The following FSHR variants were observed in gnomAD, a reference collection of about 807,000 sequenced individuals.
FSHR encodes follicle stimulating hormone receptor, also known as follicle-stimulating hormone receptor.
A neutral mutation model predicts 52.1 loss-of-function variants in FSHR; 46 were observed. The ratio of observed to expected loss-of-function variants is 0.88; its 90% confidence interval spans 0.70 to 1.13. FSHR has a LOEUF of 1.13. FSHR is among the 50% of genes most tolerant of loss of function. The pLI is 0.00. For missense variants in FSHR, 964 were observed against 834.6 expected (o/e 1.16, Z -1.91); for synonymous variants, 399 against 309.6 (o/e 1.29, Z -3.03).
intron 4 of FSHR, among the ~76,000 whole-genome samples, chr2:48,999,690 T>C (rs1676171730): frequency 6.6e-6 from 1 of 152,132 alleles, no homozygotes; most frequent in Non-Finnish European, 1.5e-5. Context: ...AATGTTACAA[T>C]GGTCAAATAC....
chr2:49,121,047 T>C (rs1671801258), intron 1 of FSHR, among the ~76,000 whole-genome samples: 1 of 152,248 alleles, frequency 6.6e-6, no homozygotes, highest in Non-Finnish European at 1.5e-5. Context: ...ATTATTCACC[T>C]AACATGGTCA....
At chr2:49,017,624 C>T (rs1273331974) in intron 3 of FSHR, 61 bp from the exon 4 acceptor site, 1 of 1,227,734 alleles carries the variant, frequency 8.1e-7, no homozygotes, top group South Asian at 1.2e-5. Flanking sequence ...TAGTATTTTT[C>T]ACATTTTACA....
At chr2:49,021,886 T>TATATATATATATAGAGAGAGAGAGAGAG (rs1273265515) in intron 2 of FSHR, among the ~76,000 whole-genome samples, 1 of 25,120 alleles carries the variant, frequency 4.0e-5, no homozygotes, top group African/African-American at 1.5e-4. Context: ...TATATATATA[T>TATATATATATATAGAGAGAGAGAGAGAG]AGAGAGAGAG....
At chr2:48,977,040 G>T (rs531518251) in intron 8 of FSHR, among the ~76,000 whole-genome samples, 92 of 152,038 alleles carry the variant, frequency 6.1e-4, no homozygotes, top group African/African-American at 2.2e-3. Flanking sequence ...ACCATGGCAC[G>T]TGTACACCTA....
chr2:49,141,697 A>G (rs1195321711), intron 1 of FSHR, among the ~76,000 whole-genome samples: 1 of 152,152 alleles, frequency 6.6e-6, no homozygotes, highest in African/African-American at 2.4e-5. Flanking sequence ...AGCTTACTAT[A>G]TATGGGAGAC....
intron 1 of FSHR, among the ~76,000 whole-genome samples, chr2:49,139,140 C>T (rs1672586221): frequency 6.6e-6 from 1 of 152,188 alleles, no homozygotes. Flanking sequence ...GCTCATCTGG[C>T]AATGTTTTCT....
At chr2:49,054,741 G>A (rs1668994367) in intron 2 of FSHR, among the ~76,000 whole-genome samples, 1 of 152,128 alleles carries the variant, frequency 6.6e-6, no homozygotes, top group Non-Finnish European at 1.5e-5. Flanking sequence ...GACTCTCTCA[G>A]CTTAGGCTGC....
chr2:49,104,884 C>T (rs1469528058), intron 1 of FSHR, among the ~76,000 whole-genome samples: 1 of 152,008 alleles, frequency 6.6e-6, no homozygotes, highest in African/African-American at 2.4e-5. Flanking sequence ...GCACAGAACT[C>T]ACCTGTGACA....
intron 2 of FSHR, among the ~76,000 whole-genome samples, chr2:49,027,077 G>A (rs1209611691): frequency 1.3e-5 from 2 of 152,148 alleles, no homozygotes; most frequent in African/African-American, 4.8e-5. Flanking sequence ...GGCTCTGTCT[G>A]ACATCCCTAC....
At chr2:49,062,946 T>C (rs1424803767) in intron 2 of FSHR, among the ~76,000 whole-genome samples, 1 of 152,130 alleles carries the variant, frequency 6.6e-6, no homozygotes, top group Non-Finnish European at 1.5e-5. Flanking sequence ...CTGGCAAGGA[T>C]GTAGAGATAG....
At chr2:48,998,982 T>C (rs1676144161) in intron 4 of FSHR, among the ~76,000 whole-genome samples, 1 of 152,086 alleles carries the variant, frequency 6.6e-6, no homozygotes, top group Non-Finnish European at 1.5e-5. Context: ...GTGTATCTAC[T>C]TTATCAATAA....
chr2:49,152,685 C>A (rs1199575876), intron 1 of FSHR, among the ~76,000 whole-genome samples: 2 of 152,124 alleles, frequency 1.3e-5, no homozygotes, highest in East Asian at 3.9e-4. Flanking sequence ...GATGACACTG[C>A]TTGACCCACA....
At chr2:49,124,085 C>T (rs892044376) in intron 1 of FSHR, among the ~76,000 whole-genome samples, 4 of 151,940 alleles carry the variant, frequency 2.6e-5, no homozygotes, top group Middle Eastern at 3.4e-3. Context: ...CCTGCACCTC[C>T]CGGGTTTAGG....
At chr2:48,974,953 C>A (rs1036089324) in intron 8 of FSHR, among the ~76,000 whole-genome samples, 13 of 152,066 alleles carry the variant, frequency 8.5e-5, no homozygotes, top group African/African-American at 2.9e-4. Context: ...TATGAAAACA[C>A]TCTCCATTTT....
chr2:48,985,824 C>T lies in FSHR; in HGVS notation c.525-2658G>A, dbSNP rs555609058. ...CGCTTCCCGGGTTCACGCCATTCTC[C>T]TGCCTCAGCCTCCCGAGTAGCTGGG... On this transcript the variant is annotated intron_variant, in intron 6 of 9. Coordinates refer to ENST00000406846, the MANE Select transcript of FSHR (RefSeq NM_000145.4). Among the ~76,000 whole-genome samples the T allele has an allele frequency of 3.5e-5, 5 of 141,210 alleles. No individual in the cohort carries two copies. The Admixed American group carries it at 3.7e-4, about 10-fold the overall frequency. The allele number at this position is 141,210 out of a possible 152,430, so 92.6% of individuals were successfully genotyped here. A position where few individuals can be genotyped will look rare whatever the true frequency, so the allele number is the denominator to read the frequency against.
intron 1 of FSHR, among the ~76,000 whole-genome samples, chr2:49,137,601 A>C (rs897430428): frequency 6.6e-5 from 10 of 152,142 alleles, no homozygotes; most frequent in African/African-American, 2.4e-4. Context: ...AAGAAATAGT[A>C]ATGAAGAAAG....
rs76626781 is a variant in FSHR, at chr2:49,043,629, C to T, written c.225-23469G>A. Among the ~76,000 whole-genome samples, 678 of 152,292 alleles carry T rather than the reference C, an allele frequency of 4.5e-3. 4 individuals carry two copies. The highest frequency in any genetic ancestry group is 0.015 in the African/African-American group (613 of 41,568). ...ACATTGATGGACACATTCCTAGCAT[C>T]TTGCCTAGAGAATCACGGGTGGGGC... On this transcript the variant is annotated intron_variant, in intron 2 of 9. Coordinates refer to ENST00000406846, the MANE Select transcript of FSHR (RefSeq NM_000145.4).
rs1213765229 is a variant in FSHR at position 48,989,010 on chromosome 2, G to T, written c.491C>A (p.Ser164Tyr). 1 of 1,613,826 alleles carries T rather than the reference G, an allele frequency of 6.2e-7. No individual in the cohort carries two copies. The highest frequency in any genetic ancestry group is 8.5e-7 in the Non-Finnish European group (1 of 1,179,904). ...ACTTTCAAAGCTCAGCCCCACGAAA[G>T]AATTTCTTTCAATTGTGTGGATGTT... ...NINIHTIERN[S>Y]FVGLSFESVI... Residue 164 changes from serine to tyrosine, a missense_variant, in exon 6 of 10, where the codon TCT (serine) becomes TAT (tyrosine). Coordinates refer to ENST00000406846, the MANE Select transcript of FSHR (RefSeq NM_000145.4).
rs569329468 is a variant in FSHR at position 49,103,485 on chromosome 2, G to A, written c.153-35195C>T. On this transcript the variant is annotated intron_variant, in intron 1 of 9. Coordinates refer to ENST00000406846, the MANE Select transcript of FSHR (RefSeq NM_000145.4). ...AAGCCAAGAACTCAGAATTTGCCTT[G>A]CAGAACCCCTTGTGCATAGTTGTGA... is the stretch of plus-strand genomic sequence containing the variant. Among the ~76,000 whole-genome samples, 32 of 152,170 alleles carry A rather than the reference G, an allele frequency of 2.1e-4. No homozygotes were observed. In the East Asian group the frequency reaches 2.9e-3, roughly 14 times the overall value.
Sources: gnomAD v4.1 joint callset for allele counts (sites outside exome capture counted in the v4.1 genomes callset) on GRCh38, gnomAD v4.1.1 for gene constraint, MANE v1.5 for transcripts, NCBI Gene and HGNC (gene_info 2026-07-23, HGNC 2026-07-21) for gene names.